PSD3: variants seen among roughly 807,000 people sequenced by gnomAD.
The protein encoded by PSD3 is pleckstrin and Sec7 domain containing 3.
A neutral mutation model predicts 105.5 loss-of-function variants in PSD3; 49 were observed. That is an observed-to-expected ratio of 0.46 (90% CI 0.37 to 0.59). The LOEUF is 0.59. Among genes scored for constraint, PSD3 ranks in the 20% least tolerant of loss-of-function variants. The pLI is 0.00. For missense variants in PSD3, 1,561 were observed against 1,263.8 expected (o/e 1.24, Z -3.57); for synonymous variants, 557 against 457.8 (o/e 1.22, Z -2.77).
At chr8:18,714,451 C>A (rs1802453430) in intron 9 of PSD3, among the ~76,000 whole-genome samples, 2 of 150,956 alleles carry the variant, frequency 1.3e-5, no homozygotes, top group Admixed American at 6.6e-5. Flanking sequence ...ACCAAACAAC[C>A]CCATCAAAAA....
chr8:19,008,809 T>A (rs1319753263), intron 1 of PSD3, among the ~76,000 whole-genome samples: 1 of 152,208 alleles, frequency 6.6e-6, no homozygotes, highest in Non-Finnish European at 1.5e-5. Flanking sequence ...AGGGAGCAGC[T>A]GCCGCCTGGT....
In PSD3 at chr8:18,556,266, C is replaced by G; in HGVS notation, c.2871G>C (p.Lys957Asn). The change falls in exon 15 of 16, where the codon AAG becomes AAC. Residue 957 changes from lysine to asparagine, a missense_variant. Transcript: ENST00000327040. ...AEHRSYPPDK[K>N]VKAKDVDEYK... is the part of the protein sequence containing the mutation. ...ACTCATCGACGTCCTTGGCTTTGAC[C>G]TTCTTGTCGGGGGGATATGAGCGGT... 6.2e-7 allele frequency: 1 copy of G among 1,614,066 alleles called. No individual in the cohort carries two copies. Among genetic ancestry groups the G allele is most frequent in the Non-Finnish European group, 8.5e-7 (1 of 1,179,982 alleles).
chr8:18,819,349 G>A (rs1812494600), intron 4 of PSD3, among the ~76,000 whole-genome samples: 1 of 152,064 alleles, frequency 6.6e-6, no homozygotes, highest in Admixed American at 6.5e-5. Context: ...GAATCCTTCA[G>A]AACCAGATCA....
intron 1 of PSD3, among the ~76,000 whole-genome samples, chr8:18,954,858 G>T (rs937560246): frequency 2.6e-5 from 4 of 152,066 alleles, no homozygotes; most frequent in African/African-American, 9.7e-5. Context: ...TAATCCAAGG[G>T]AATTACAACA....
At position 18,535,359 on chromosome 8, in the gene PSD3, G is replaced by A. The variant is rs983312858; in HGVS notation, c.*384C>T. ...ATTTACTAAAACTACAGTTTGTCCA[G>A]TTAAGTGTTTCACAATGGATTAAAT... On this transcript the variant is annotated 3_prime_UTR_variant, in exon 16 of 16. Transcript: ENST00000327040. 5.1e-6 allele frequency: 1 copy of A among 197,072 alleles called. No individual in the cohort carries two copies. 12.2% of individuals were successfully genotyped at this position (197,072 alleles called of 1,614,324 possible).
Position 18,576,024 on chromosome 8 carries a change from C to T in PSD3, c.2482-739G>A, listed in dbSNP as rs1003142756. On this transcript the variant is annotated intron_variant, in intron 12 of 15. Transcript: ENST00000327040. Reference sequence around the variant, plus strand: ...TCTGTAAAACACACACGTGTACCCCCGAACACACACACCACATCACCTTCT... The same window carrying T: ...TCTGTAAAACACACACGTGTACCCCTGAACACACACACCACATCACCTTCT... Among the ~76,000 whole-genome samples the T allele has an allele frequency of 4.6e-5, 7 of 152,090 alleles. No homozygotes were observed. The East Asian group carries it at 5.8e-4, about 13-fold the overall frequency.
intron 2 of PSD3, among the ~76,000 whole-genome samples, chr8:18,902,606 G>C (rs544111968): frequency 6.6e-6 from 1 of 152,120 alleles, no homozygotes; most frequent in Admixed American, 6.6e-5. Context: ...AGATATCTGT[G>C]TGTTGATGTC....
At chr8:19,045,945 T>G (rs932726048) in intron 1 of PSD3, among the ~76,000 whole-genome samples, 1 of 152,236 alleles carries the variant, frequency 6.6e-6, no homozygotes, top group Non-Finnish European at 1.5e-5. Flanking sequence ...TTAAATCTCC[T>G]TTCTGGCTAT....
At chr8:18,883,740 A>T (rs1243405848) in intron 2 of PSD3, among the ~76,000 whole-genome samples, 1 of 152,194 alleles carries the variant, frequency 6.6e-6, no homozygotes, top group Non-Finnish European at 1.5e-5. Context: ...GTACGGGGAA[A>T]TTCAGTCTGA....
chr8:18,982,858 A>G (rs1825310651), intron 1 of PSD3, among the ~76,000 whole-genome samples: 1 of 152,196 alleles, frequency 6.6e-6, no homozygotes. Flanking sequence ...GATTTTTAGA[A>G]TGGTAAATGA....
chr8:18,912,383 A>C (rs1820282928), intron 2 of PSD3, among the ~76,000 whole-genome samples: 1 of 152,214 alleles, frequency 6.6e-6, no homozygotes. Context: ...GGTTCAGTCC[A>C]CCAGGGGGCA....
At chr8:18,926,332 T>C (rs1821360538) in intron 2 of PSD3, among the ~76,000 whole-genome samples, 1 of 151,332 alleles carries the variant, frequency 6.6e-6, no homozygotes, top group Non-Finnish European at 1.5e-5. Context: ...ATTATATAAT[T>C]ATAATCATAA....
At chr8:18,797,157 TCAA>T (rs1810258714) in intron 8 of PSD3, among the ~76,000 whole-genome samples, 2 of 152,250 alleles carry the variant, frequency 1.3e-5, no homozygotes, top group Admixed American at 1.3e-4. Context: ...TACTATATAT[TCAA>T]CAGACTTGTA....
In PSD3 at chr8:18,872,725, C is replaced by T; in HGVS notation, c.139G>A (p.Gly47Arg). ...TTTGGTGGGAGTAAAGTGCTTCCTC[C>T]ATGATCACCTGTGAAGAGAACACAA... ...EGKAPDTSDHGGSTLLPPNVT... is the reference protein window; with the variant it reads ...EGKAPDTSDHRGSTLLPPNVT... Residue 47 changes from glycine (G) to arginine (R), a missense_variant, in exon 3 of 16, where the codon GGA (glycine) becomes AGA (arginine). Physicochemically the swap from Gly to Arg is moderately radical, Grantham distance 125. Coordinates refer to ENST00000327040, the MANE Select transcript of PSD3 (RefSeq NM_015310.4). The T allele has an allele frequency of 6.4e-7, 1 of 1,556,980 alleles. No individual in the cohort carries two copies. The highest frequency in any genetic ancestry group is 8.7e-7 in the Non-Finnish European group (1 of 1,154,766).
At chr8:18,789,409 A>T (rs1018240897) in intron 8 of PSD3, among the ~76,000 whole-genome samples, 3 of 152,190 alleles carry the variant, frequency 2.0e-5, no homozygotes, top group Non-Finnish European at 2.9e-5. Context: ...TATATTTCTC[A>T]CTTAGGAAAG....
chr8:18,591,174 G>A (rs1044499339), intron 12 of PSD3, among the ~76,000 whole-genome samples: 2 of 152,146 alleles, frequency 1.3e-5, no homozygotes, highest in East Asian at 3.9e-4. Flanking sequence ...TAAGAAGAGT[G>A]ATTTCATCTT....
intron 14 of PSD3, among the ~76,000 whole-genome samples, chr8:18,569,461 C>G (rs550710986): frequency 6.7e-6 from 1 of 150,186 alleles, no homozygotes; most frequent in African/African-American, 2.5e-5. Flanking sequence ...ACACCAACAA[C>G]AGACAAACAG....
intron 10 of PSD3, among the ~76,000 whole-genome samples, chr8:18,642,245 C>T (rs1807702569): frequency 6.6e-6 from 1 of 152,054 alleles, no homozygotes; most frequent in South Asian, 2.1e-4. Flanking sequence ...TAGGTATTCC[C>T]AAAAGATCTA....
At chr8:18,689,694 G>T (rs28535442) in intron 9 of PSD3, among the ~76,000 whole-genome samples, 4,180 of 152,306 alleles carry the variant, frequency 0.027, 195 homozygotes, top group African/African-American at 0.096. Context: ...GACAGAGGCT[G>T]ATTTGGGAGT....
Sources: allele counts gnomAD v4.1 joint callset (sites outside exome capture counted in the v4.1 genomes callset), GRCh38; gene constraint gnomAD v4.1.1; transcripts MANE v1.5; gene names NCBI Gene and HGNC (gene_info 2026-07-23, HGNC 2026-07-21).